Variants in NCAM1 observed in about 807,000 individuals in gnomAD.
The protein encoded by NCAM1 is antigen recognized by monoclonal antibody 5.1H11.
In NCAM1, 14 loss-of-function variants were observed where a neutral mutation model predicts 109.8. That is an observed-to-expected ratio of 0.13 (90% CI 0.08 to 0.20). The LOEUF is 0.20. Among genes scored for constraint, NCAM1 ranks in the 10% least tolerant of loss-of-function variants. The pLI, the probability that NCAM1 is intolerant of heterozygous loss-of-function variation, is 1.00. For missense variants in NCAM1, 774 were observed against 1,109.9 expected (o/e 0.70, Z 4.30); for synonymous variants, 418 against 442.9 (o/e 0.94, Z 0.70).
In NCAM1 at chr11:112,962,818, AG is replaced by A. The variant is rs1463579650; in HGVS notation, c.52+1155del. On this transcript the variant is annotated intron_variant, in intron 1 of 19. Transcript: ENST00000316851. The surrounding 1 kb of genome is among the most constrained non-coding windows in gnomAD (Gnocchi z 5.6). ...GGCTCTGATGGACGGGAGGGAAGGA[AG>A]AAAAGCAGGGGCCGCAGAGAGCTGG... is the stretch of plus-strand genomic sequence containing the variant. Among the ~76,000 whole-genome samples, 1 of 151,984 alleles carries A rather than the reference AG, an allele frequency of 6.6e-6. No homozygotes were observed. Among genetic ancestry groups the A allele is most frequent in the Non-Finnish European group, 1.5e-5 (1 of 67,952 alleles).
intron 9 of NCAM1, among the ~76,000 whole-genome samples, chr11:113,228,511 GTAATT>G (rs1489435034): frequency 1.3e-5 from 2 of 152,144 alleles, no homozygotes; most frequent in African/African-American, 4.8e-5. Flanking sequence ...ACTGCCCAAG[GTAATT>G]TATAGATTCA....
chr11:113,112,803 T>C (rs1485581146), intron 1 of NCAM1, among the ~76,000 whole-genome samples: 2 of 152,044 alleles, frequency 1.3e-5, no homozygotes, highest in Non-Finnish European at 2.9e-5. Context: ...CCTGGAGAAG[T>C]GGAATCCCCC....
intron 9 of NCAM1, among the ~76,000 whole-genome samples, chr11:113,222,487 A>AT (rs1377150635): frequency 6.6e-6 from 1 of 152,212 alleles, no homozygotes; most frequent in Non-Finnish European, 1.5e-5. Flanking sequence ...CCTCCCTGTC[A>AT]TTGGGATGAC....
intron 1 of NCAM1, among the ~76,000 whole-genome samples, chr11:113,156,033 C>A (rs1365625273): frequency 6.6e-6 from 1 of 151,578 alleles, no homozygotes; most frequent in Non-Finnish European, 1.5e-5. Context: ...GGAGTCTGAG[C>A]AAATGGCACA....
At chr11:113,008,334 C>T (rs1195724833) in intron 1 of NCAM1, among the ~76,000 whole-genome samples, 1 of 152,124 alleles carries the variant, frequency 6.6e-6, no homozygotes, top group Non-Finnish European at 1.5e-5. Context: ...GGCTTTCTTC[C>T]TTGCAAGCTG....
At chr11:113,008,532 C>A (rs1314877627) in intron 1 of NCAM1, among the ~76,000 whole-genome samples, 2 of 152,104 alleles carry the variant, frequency 1.3e-5, no homozygotes, top group African/African-American at 4.8e-5. Context: ...GCAAATTATC[C>A]CCCTAAATGA....
chr11:113,249,221 C>T (rs947042087), intron 15 of NCAM1, among the ~76,000 whole-genome samples: 11 of 152,324 alleles, frequency 7.2e-5, no homozygotes, highest in African/African-American at 2.4e-4. Flanking sequence ...CACTAACCAC[C>T]CCTTCCACTC....
In NCAM1 at chr11:113,232,374, G is replaced by T; in HGVS notation, c.1425+20G>T. Reference sequence around the variant, plus strand: ...CTGGAGGTGAGTCAGGATGGGGGTGGGACAGAGCAGAGAAAGCACAGTTTG... The same window carrying T: ...CTGGAGGTGAGTCAGGATGGGGGTGTGACAGAGCAGAGAAAGCACAGTTTG... On this transcript the variant is annotated intron_variant, in intron 11 of 19. Coordinates refer to ENST00000316851, the MANE Select transcript of NCAM1 (RefSeq NM_181351.5). 6.3e-7 allele frequency: 1 copy of T among 1,586,728 alleles called. No homozygotes were observed. The highest frequency in any genetic ancestry group is 1.2e-5 in the South Asian group (1 of 85,802).
intron 7 of NCAM1, among the ~76,000 whole-genome samples, chr11:113,211,838 G>T (rs1944398807): frequency 1.3e-5 from 2 of 152,198 alleles, no homozygotes; most frequent in Admixed American, 1.3e-4. Flanking sequence ...GAGTAGACAA[G>T]GCTGCCTCTT....
At chr11:113,101,509 AT>A (rs1378002218) in intron 1 of NCAM1, among the ~76,000 whole-genome samples, 3 of 152,098 alleles carry the variant, frequency 2.0e-5, no homozygotes, top group Non-Finnish European at 4.4e-5. Context: ...TTGCTCCTTA[AT>A]TATAAATCCT....
At chr11:113,155,142 C>T (rs1487979852) in intron 1 of NCAM1, among the ~76,000 whole-genome samples, 8 of 152,138 alleles carry the variant, frequency 5.3e-5, no homozygotes, top group African/African-American at 1.9e-4. Context: ...GAGCAAGTGC[C>T]TGGGCAGTGA....
At chr11:113,104,732 A>C (rs72995946) in intron 1 of NCAM1, among the ~76,000 whole-genome samples, 1,979 of 152,284 alleles carry the variant, frequency 0.013, 14 homozygotes, top group Non-Finnish European at 0.022. Context: ...TCGCTTTGGA[A>C]TAAATTGGGT....
chr11:113,127,603 T>C (rs1286828764), intron 1 of NCAM1, among the ~76,000 whole-genome samples: 2 of 152,212 alleles, frequency 1.3e-5, no homozygotes, highest in Non-Finnish European at 2.9e-5. Flanking sequence ...GATGGTTAAG[T>C]AGTGGTGAGA....
chr11:113,035,185 A>C (rs1198709248), intron 1 of NCAM1, among the ~76,000 whole-genome samples: 2 of 152,218 alleles, frequency 1.3e-5, no homozygotes, highest in Non-Finnish European at 2.9e-5. Context: ...CTTAGACCTT[A>C]TAACTAGGGC....
intron 1 of NCAM1, among the ~76,000 whole-genome samples, chr11:113,068,423 T>C (rs1938083387): frequency 6.6e-6 from 1 of 152,186 alleles, no homozygotes; most frequent in African/African-American, 2.4e-5. Context: ...AATAATTTTG[T>C]ATAAAACACT....
intron 1 of NCAM1, among the ~76,000 whole-genome samples, chr11:112,996,289 A>G (rs1316492935): frequency 6.6e-6 from 1 of 152,192 alleles, no homozygotes; most frequent in East Asian, 1.9e-4. Context: ...TGTGGTAAGG[A>G]CATTTAACAT....
In NCAM1 at chr11:113,237,432, C is replaced by T. The variant is rs143964549; in HGVS notation, c.1825+2268C>T. Among the ~76,000 whole-genome samples, 445 of 152,332 alleles carry T rather than the reference C, an allele frequency of 2.9e-3. 3 individuals are homozygous for T. Among genetic ancestry groups the T allele is most frequent in the African/African-American group, 9.9e-3 (413 of 41,572 alleles). ...CATGTAGGTATTCTGAGATTTTGAGCAAGTGCCAAATGTCCTACCTCAGCA... is the reference window on the plus strand; with the variant it reads ...CATGTAGGTATTCTGAGATTTTGAGTAAGTGCCAAATGTCCTACCTCAGCA... On this transcript the variant is annotated intron_variant, in intron 14 of 19. Transcript: ENST00000316851.
chr11:113,133,465 C>T (rs1303435450), intron 1 of NCAM1: 1 of 152,110 alleles, frequency 6.6e-6, no homozygotes, highest in African/African-American at 2.4e-5. Flanking sequence ...AACTGCAAAC[C>T]GTATTAACAT....
intron 2 of NCAM1, among the ~76,000 whole-genome samples, chr11:113,203,531 C>T (rs1227024113): frequency 6.6e-6 from 1 of 152,254 alleles, no homozygotes; most frequent in Non-Finnish European, 1.5e-5. Context: ...TCTGAGCGCC[C>T]TTCCAGCTCA....
Sources: gnomAD v4.1 joint callset for allele counts (sites outside exome capture counted in the v4.1 genomes callset) on GRCh38, gnomAD v4.1.1 for gene constraint, Gnocchi (gnomAD v3.1) non-coding constraint, MANE v1.5 for transcripts, NCBI Gene and HGNC (gene_info 2026-07-23, HGNC 2026-07-21) for gene names.